TSTD2: variants seen among roughly 807,000 people sequenced by gnomAD.
TSTD2 encodes thiosulfate sulfurtransferase/rhodanese-like domain-containing protein 2.
A neutral mutation model predicts 47.9 loss-of-function variants in TSTD2; 37 were observed. The ratio of observed to expected loss-of-function variants is 0.77; its 90% CI spans 0.59 to 1.02. TSTD2 has a LOEUF of 1.02. TSTD2 is among the 50% of genes least tolerant of loss of function. The probability of loss-of-function intolerance (pLI) is 0.00; values close to 1 mark genes in which losing one functional copy is unlikely to be tolerated. For synonymous variants in TSTD2, 201 were observed against 215.9 expected, an observed-to-expected ratio of 0.93 and a Z score of 0.61; for missense variants, 586 against 616.0, an observed-to-expected ratio of 0.95 and a Z score of 0.52.
intron 4 of TSTD2, among the ~76,000 whole-genome samples, chr9:97,613,382 T>C (rs1826490096): frequency 6.6e-6 from 1 of 152,204 alleles, no homozygotes; most frequent in Non-Finnish European, 1.5e-5. Flanking sequence ...GCCTGCCACA[T>C]AGTAGGCACT....
At chr9:97,631,403 G>A (rs1322848031) in intron 1 of TSTD2, among the ~76,000 whole-genome samples, 1 of 152,040 alleles carries the variant, frequency 6.6e-6, no homozygotes, top group Non-Finnish European at 1.5e-5. Context: ...TTACAGGGGT[G>A]AGCCACCATG....
intron 3 of TSTD2, among the ~76,000 whole-genome samples, chr9:97,622,028 G>C (rs1116208): frequency 0.12 from 17,960 of 152,014 alleles, 3,012 homozygotes; most frequent in African/African-American, 0.37. Flanking sequence ...AAATTTCTCT[G>C]TTTTGTACTC....
chr9:97,630,772 C>T (rs1458813133), intron 1 of TSTD2, among the ~76,000 whole-genome samples: 1 of 152,096 alleles, frequency 6.6e-6, no homozygotes, highest in Non-Finnish European at 1.5e-5. Flanking sequence ...CATAAATTTT[C>T]CCTACTTCTG....
chr9:97,601,215 T>G lies in TSTD2; in HGVS notation c.*1254A>C, dbSNP rs1826251095. ...CAATTGCAGCTGCATTCTGCATCGC[T>G]GAAAACTGCAATATAATATTAAATC... On this transcript the variant is annotated 3_prime_UTR_variant, in exon 10 of 10. Coordinates refer to ENST00000341170, the MANE Select transcript of TSTD2 (RefSeq NM_139246.5). 1.6e-6 allele frequency: 2 copies of G among 1,283,914 alleles called. No individual in the cohort carries two copies. Among genetic ancestry groups the G allele is most frequent in the East Asian group, 5.7e-5 (1 of 17,682 alleles). The allele number at this position is 1,283,914 out of a possible 1,614,324, so 79.5% of individuals were successfully genotyped here. A position where few individuals can be genotyped will look rare whatever the true frequency, so the allele number is the denominator to read the frequency against.
chr9:97,609,443 GA>G (rs1321870041), intron 6 of TSTD2, among the ~76,000 whole-genome samples: 18 of 151,868 alleles, frequency 1.2e-4, no homozygotes, highest in South Asian at 2.1e-4. Flanking sequence ...TGCAAGGGGG[GA>G]AAAAAAGATG....
intron 6 of TSTD2, among the ~76,000 whole-genome samples, chr9:97,606,780 T>C (rs765425748): frequency 1.3e-5 from 2 of 152,094 alleles, no homozygotes; most frequent in Non-Finnish European, 2.9e-5. Context: ...CAAAAAGTTA[T>C]GGAATAAAGT....
At position 97,606,151 on chromosome 9, in the gene TSTD2, TTTCA is replaced by T; in HGVS notation, c.942_945del (p.Tyr314Ter). On this transcript the variant is annotated frameshift_variant, in exon 7 of 10. Coordinates refer to ENST00000341170, the MANE Select transcript of TSTD2 (RefSeq NM_139246.5). LOFTEE classifies it high-confidence loss of function. ...TTCTGGCTTTTACTTACTATTTTGC[TTTCA>T]TAGAAGTTTCTGCAATCAAGAAGGA... The T allele has an allele frequency of 6.2e-7, 1 of 1,606,754 alleles. No individual in the cohort carries two copies. The highest frequency in any genetic ancestry group is 8.5e-7 in the Non-Finnish European group (1 of 1,175,060).
chr9:97,609,741 A>C (rs1826425893), intron 6 of TSTD2, among the ~76,000 whole-genome samples: 1 of 152,248 alleles, frequency 6.6e-6, no homozygotes, highest in Non-Finnish European at 1.5e-5. Context: ...TTTCAAAATA[A>C]TCCAAGATGG....
In TSTD2 at chr9:97,605,529, G is replaced by T; in HGVS notation, c.1067C>A (p.Thr356Asn). 4 of 1,614,102 alleles carry T rather than the reference G, an allele frequency of 2.5e-6. No individual in the cohort carries two copies. Among genetic ancestry groups the T allele is most frequent in the Non-Finnish European group, 3.4e-6 (4 of 1,180,008 alleles). ...FREKRVLMYC[T>N]GGIRCERGSA... ...ACCCCGCTCACAGCGGATGCCCCCGGTACAGTACATCAGCACTCTCTTCTC... is the reference window on the plus strand; with the variant it reads ...ACCCCGCTCACAGCGGATGCCCCCGTTACAGTACATCAGCACTCTCTTCTC... The change falls in exon 8 of 10, where the codon ACC becomes AAC. Residue 356 changes from threonine to asparagine, a missense_variant. Transcript: ENST00000341170.
In TSTD2 at chr9:97,601,075, G is replaced by C. The variant is rs750950348; in HGVS notation, c.*1394C>G. On this transcript the variant is annotated 3_prime_UTR_variant, in exon 10 of 10. Transcript: ENST00000341170. ...GGCAGTGGGCAGTACAGGGTAACTG[G>C]AGGCGGGGCCAGGGCCTCAGCGCTA... 3.9e-5 allele frequency: 51 copies of C among 1,304,292 alleles called. 1 individual carries two copies. The South Asian group carries it at 6.3e-4, about 16-fold the overall frequency. The allele number at this position is 1,304,292 out of a possible 1,614,324, so 80.8% of individuals were successfully genotyped here.
At chr9:97,626,728 T>C (rs1826727893) in intron 2 of TSTD2, among the ~76,000 whole-genome samples, 1 of 152,158 alleles carries the variant, frequency 6.6e-6, no homozygotes, top group African/African-American at 2.4e-5. Context: ...ATATCTAAAA[T>C]AAAAATTGAG....
intron 1 of TSTD2, 93 bp from the exon 2 acceptor site, chr9:97,627,705 A>G (rs1260174457): frequency 7.8e-6 from 6 of 766,470 alleles, no homozygotes; most frequent in Non-Finnish European, 1.2e-5. Context: ...AGCATGGGCA[A>G]AGTAGCCCAA....
chr9:97,628,812 G>T (rs1028777224), intron 1 of TSTD2, among the ~76,000 whole-genome samples: 7 of 152,126 alleles, frequency 4.6e-5, no homozygotes, highest in Non-Finnish European at 1.0e-4. Flanking sequence ...CCACTGTATT[G>T]TGAGTAAGCC....
intron 2 of TSTD2, 92 bp downstream of exon 2, chr9:97,627,306 C>T (rs1826738193): frequency 6.7e-7 from 1 of 1,483,584 alleles, no homozygotes; most frequent in Admixed American, 2.3e-5. Context: ...TAGACTTTAC[C>T]TTGAGCTGGA....
At chr9:97,619,601 A>G (rs1303327736) in intron 3 of TSTD2, among the ~76,000 whole-genome samples, 5 of 151,742 alleles carry the variant, frequency 3.3e-5, no homozygotes, top group Non-Finnish European at 7.4e-5. Flanking sequence ...TTGGCCCTCC[A>G]CAATGCTGGG....
chr9:97,603,420 A>G (rs895437288), intron 9 of TSTD2, among the ~76,000 whole-genome samples: 12 of 152,020 alleles, frequency 7.9e-5, no homozygotes, highest in Admixed American at 4.6e-4. Context: ...GCAGGTACCC[A>G]TCGAGTCCAG....
At position 97,601,553 on chromosome 9, in the gene TSTD2, ACCTCTGCC is replaced by A; in HGVS notation, c.*908_*915del. On this transcript the variant is annotated 3_prime_UTR_variant, in exon 10 of 10. Coordinates refer to ENST00000341170, the MANE Select transcript of TSTD2 (RefSeq NM_139246.5). Reference sequence around the variant, plus strand: ...TGAAGAAGGCCACATCTTTAAGGCCACCTCTGCCTCTATCAGATGAGCTGCTGGTCTAG... The same window carrying A: ...TGAAGAAGGCCACATCTTTAAGGCCATCTATCAGATGAGCTGCTGGTCTAG... The A allele has an allele frequency of 1.0e-6, 1 of 988,980 alleles. No homozygotes were observed. The highest frequency in any genetic ancestry group is 6.1e-5 in the Admixed American group (1 of 16,442). The allele number at this position is 988,980 out of a possible 1,614,324, so 61.3% of individuals were successfully genotyped here.
At chr9:97,604,537 C>T (rs1826331396) in intron 9 of TSTD2, 190 bp downstream of exon 9, 2 of 796,432 alleles carry the variant, frequency 2.5e-6, no homozygotes, top group East Asian at 2.9e-5. Flanking sequence ...CAACCCAGGC[C>T]TCCTGACTCC....
intron 1 of TSTD2, among the ~76,000 whole-genome samples, chr9:97,632,497 A>T (rs527377182): frequency 6.8e-6 from 1 of 147,708 alleles, no homozygotes; most frequent in Non-Finnish European, 1.5e-5. Flanking sequence ...TCGGCCCCCA[A>T]CCCTCCCCTC....
Sources: allele counts gnomAD v4.1 joint callset (sites outside exome capture counted in the v4.1 genomes callset), GRCh38; gene constraint gnomAD v4.1.1; transcripts MANE v1.5; gene names NCBI Gene and HGNC (gene_info 2026-07-23, HGNC 2026-07-21).